RBM19: variants seen among roughly 807,000 people sequenced by gnomAD.
The protein encoded by RBM19 is RNA binding motif protein 19.
Under a neutral mutation model 116.8 loss-of-function variants are expected in RBM19, and 94 were observed. The observed-to-expected ratio is 0.80, with a 90% CI of 0.68 to 0.95. The LOEUF (loss-of-function observed/expected upper bound fraction) is 0.95, where lower values mean the gene tolerates loss of function less well. Among genes scored for constraint, RBM19 ranks in the 40% least tolerant of loss-of-function variants. RBM19 has a pLI of 0.00. For synonymous variants in RBM19, 475 were observed against 494.1 expected (o/e 0.96, Z 0.51); for missense variants, 1,161 against 1,220.7 (o/e 0.95, Z 0.73).
intron 21 of RBM19, among the ~76,000 whole-genome samples, chr12:113,860,860 C>T (rs1422883399): frequency 6.6e-6 from 1 of 152,172 alleles, no homozygotes; most frequent in Non-Finnish European, 1.5e-5. Flanking sequence ...TCAGTGAGCC[C>T]AGGAGTCGGG....
intron 21 of RBM19, among the ~76,000 whole-genome samples, chr12:113,913,192 C>T (rs768772675): frequency 6.6e-6 from 1 of 152,250 alleles, no homozygotes; most frequent in Non-Finnish European, 1.5e-5. Flanking sequence ...GTCATTTCAG[C>T]GGGATATTAT....
At chr12:113,840,498 G>A (rs1411879875) in intron 23 of RBM19, among the ~76,000 whole-genome samples, 1 of 152,218 alleles carries the variant, frequency 6.6e-6, no homozygotes, top group Non-Finnish European at 1.5e-5. Flanking sequence ...CATACACACT[G>A]GACATTCTCT....
chr12:113,951,765 G>A (rs952113196), intron 8 of RBM19, among the ~76,000 whole-genome samples: 2 of 152,324 alleles, frequency 1.3e-5, no homozygotes, highest in African/African-American at 4.8e-5. Flanking sequence ...ACATGACAGT[G>A]AGGAGACCAT....
intron 21 of RBM19, among the ~76,000 whole-genome samples, chr12:113,868,026 G>C (rs1403240635): frequency 6.6e-6 from 1 of 152,180 alleles, no homozygotes; most frequent in Non-Finnish European, 1.5e-5. Flanking sequence ...TCCATCGCAG[G>C]CACCTTCGGT....
intron 23 of RBM19, 77 bp from the exon 24 acceptor site, chr12:113,823,398 A>G: frequency 7.7e-7 from 1 of 1,293,958 alleles, no homozygotes; most frequent in Non-Finnish European, 1.1e-6. Context: ...GAAATGACAG[A>G]GGAAGGAGGG....
Position 113,937,063 on chromosome 12 carries a change from T to A in RBM19, c.2012A>T (p.Lys671Met). 6.2e-7 allele frequency: 1 copy of A among 1,614,074 alleles called. No homozygotes were observed. The highest frequency in any genetic ancestry group is 2.2e-5 in the East Asian group (1 of 44,864). The change falls in exon 16 of 24, where the codon AAG becomes ATG. Residue 671 changes from lysine (K) to methionine (M), a missense_variant. Physicochemically the swap from Lys to Met is moderately conservative, Grantham distance 95 (BLOSUM62 -1). Coordinates refer to ENST00000261741, the MANE Select transcript of RBM19 (RefSeq NM_016196.4). ...GGGTTCTGAAGGTGTGTCTTGGAGC[T>A]TTTTCTTCTGTGGGGCTGTGCTGGA... ...VFSSTAPQKK[K>M]LQDTPSEPME... is the part of the protein sequence containing the mutation.
At chr12:113,880,485 C>T (rs939777323) in intron 21 of RBM19, among the ~76,000 whole-genome samples, 8 of 152,164 alleles carry the variant, frequency 5.3e-5, no homozygotes, top group African/African-American at 1.7e-4. Context: ...TGAGCCTTGT[C>T]GTAAACATTT....
intron 16 of RBM19, among the ~76,000 whole-genome samples, chr12:113,933,386 C>T (rs990924393): frequency 6.6e-6 from 1 of 151,994 alleles, no homozygotes; most frequent in East Asian, 1.9e-4. Context: ...GAACAGCACC[C>T]GCCAGGAGGG....
intron 23 of RBM19, among the ~76,000 whole-genome samples, chr12:113,840,129 G>A (rs1346573255): frequency 6.6e-6 from 1 of 152,196 alleles, no homozygotes; most frequent in Non-Finnish European, 1.5e-5. Context: ...TGGATTCTTA[G>A]TTAAAAAACA....
intron 21 of RBM19, among the ~76,000 whole-genome samples, chr12:113,887,923 C>T (rs1054898220): frequency 3.3e-5 from 5 of 152,138 alleles, no homozygotes; most frequent in African/African-American, 1.2e-4. Flanking sequence ...GGTCTCACTA[C>T]ATTGCCCAGG....
chr12:113,961,098 C>T (rs1203278270), intron 2 of RBM19, among the ~76,000 whole-genome samples: 1 of 152,272 alleles, frequency 6.6e-6, no homozygotes, highest in East Asian at 1.9e-4. Flanking sequence ...TCATAGCTCA[C>T]TGCAGCCTCA....
chr12:113,831,559 C>T (rs565730807), intron 23 of RBM19, among the ~76,000 whole-genome samples: 1 of 152,296 alleles, frequency 6.6e-6, no homozygotes, highest in South Asian at 2.1e-4. Flanking sequence ...AGTTTAATTC[C>T]GTGATCGATG....
At chr12:113,896,184 C>G (rs1424193915) in intron 21 of RBM19, among the ~76,000 whole-genome samples, 1 of 152,154 alleles carries the variant, frequency 6.6e-6, no homozygotes, top group African/African-American at 2.4e-5. Context: ...CTGGAGGTAG[C>G]TAGAATGAGG....
At chr12:113,953,274 G>A (rs1334903624) in intron 7 of RBM19, among the ~76,000 whole-genome samples, 2 of 152,244 alleles carry the variant, frequency 1.3e-5, no homozygotes, top group African/African-American at 4.8e-5. Flanking sequence ...GATCACCCGA[G>A]GTCAGGAGTT....
At chr12:113,962,772 C>T (rs116184105) in intron 1 of RBM19, among the ~76,000 whole-genome samples, 109 of 152,314 alleles carry the variant, frequency 7.2e-4, no homozygotes, top group African/African-American at 2.5e-3. Context: ...AAAGAATGAA[C>T]AGGCATGGTA....
intron 22 of RBM19, 46 bp from the exon 23 acceptor site, chr12:113,844,834 C>T (rs1163638885): frequency 3.9e-5 from 61 of 1,547,062 alleles, no homozygotes; most frequent in Non-Finnish European, 5.1e-5. Flanking sequence ...TGGATCAGTG[C>T]GGCAGACACT....
Position 113,948,897 on chromosome 12 carries a change from G to C in RBM19, c.1212C>G (p.Leu404=). Residue 404 remains leucine (L), a synonymous_variant, in exon 10 of 24, where the codon CTC becomes CTG. Coordinates refer to ENST00000261741, the MANE Select transcript of RBM19 (RefSeq NM_016196.4). ...TGGTGTAGGGCAGGTTCCGTACAAAGAGCCTTCCGGATTCGGCCAGGTCCT... is the reference window on the plus strand; with the variant it reads ...TGGTGTAGGGCAGGTTCCGTACAAACAGCCTTCCGGATTCGGCCAGGTCCT... ...EEEDLAESGR[L]FVRNLPYTST... 1.9e-6 allele frequency: 3 copies of C among 1,614,204 alleles called. No individual in the cohort carries two copies. The highest frequency in any genetic ancestry group is 2.5e-6 in the Non-Finnish European group (3 of 1,180,034).
At chr12:113,939,770 G>A (rs1046140163) in intron 15 of RBM19, among the ~76,000 whole-genome samples, 190 bp downstream of exon 15, 12 of 150,430 alleles carry the variant, frequency 8.0e-5, no homozygotes, top group Non-Finnish European at 1.8e-4. Context: ...AAGAACTTCC[G>A]TCTCCCATTC....
intron 23 of RBM19, among the ~76,000 whole-genome samples, chr12:113,838,415 C>T (rs1027689704): frequency 3.3e-5 from 5 of 152,082 alleles, no homozygotes; most frequent in African/African-American, 1.2e-4. Flanking sequence ...CACACAAACT[C>T]CACGGGGAGA....
Sources: gnomAD v4.1 joint callset for allele counts (sites outside exome capture counted in the v4.1 genomes callset) on GRCh38, gnomAD v4.1.1 for gene constraint, MANE v1.5 for transcripts, NCBI Gene and HGNC (gene_info 2026-07-23, HGNC 2026-07-21) for gene names.